The following SLC45A4 variants were observed in gnomAD, a reference collection of about 807,000 sequenced individuals.
The protein encoded by SLC45A4 is polyamine-transporter SLC45A4.
A neutral mutation model predicts 63.7 loss-of-function variants in SLC45A4; 32 were observed. The ratio of observed to expected loss-of-function variants is 0.50; its 90% CI spans 0.38 to 0.67. The LOEUF (loss-of-function observed/expected upper bound fraction) is 0.67. Ranked by LOEUF, SLC45A4 falls within the 30% of genes least tolerant of loss-of-function variation. The pLI, the probability that SLC45A4 is intolerant of heterozygous loss-of-function variation, is 0.00. For synonymous variants in SLC45A4, 535 were observed against 510.0 expected, an observed-to-expected ratio of 1.05 and a Z score of -0.66; for missense variants, 1,027 against 1,157.7, an observed-to-expected ratio of 0.89 and a Z score of 1.64.
At chr8:141,296,475 G>A (rs1245405425) in intron 1 of SLC45A4, among the ~76,000 whole-genome samples, 2 of 149,184 alleles carry the variant, frequency 1.3e-5, no homozygotes, top group Non-Finnish European at 3.0e-5. Flanking sequence ...CTCCAGCCTG[G>A]GTGACAGAGC....
At chr8:141,288,348 A>G (rs549307321) in intron 1 of SLC45A4, among the ~76,000 whole-genome samples, 3 of 152,354 alleles carry the variant, frequency 2.0e-5, no homozygotes, top group Non-Finnish European at 2.9e-5. Context: ...AATGGCACTT[A>G]GGGGTGTTCA....
At chr8:141,299,514 G>T (rs536066784) in intron 1 of SLC45A4, among the ~76,000 whole-genome samples, 1 of 152,150 alleles carries the variant, frequency 6.6e-6, no homozygotes, top group Admixed American at 6.5e-5. Context: ...CTTCAAATGG[G>T]CACGGTTAGG....
At chr8:141,276,866 A>G (rs1829746265) in intron 1 of SLC45A4, among the ~76,000 whole-genome samples, 1 of 152,250 alleles carries the variant, frequency 6.6e-6, no homozygotes, top group Non-Finnish European at 1.5e-5. Context: ...TTCCAAGGCC[A>G]AACACCTCAC....
At chr8:141,242,840 G>A (rs1827981552) in intron 2 of SLC45A4, among the ~76,000 whole-genome samples, 1 of 152,208 alleles carries the variant, frequency 6.6e-6, no homozygotes. Flanking sequence ...TACAAACACC[G>A]CGGGAAGCTG....
chr8:141,277,200 C>T (rs1241508362), intron 1 of SLC45A4, among the ~76,000 whole-genome samples: 2 of 152,254 alleles, frequency 1.3e-5, no homozygotes, highest in African/African-American at 2.4e-5. Flanking sequence ...TTGTCTGCAT[C>T]CTGTGACACT....
In SLC45A4 at chr8:141,254,205, C is replaced by T. The variant is rs996494582; in HGVS notation, c.25G>A (p.Asp9Asn). 3.3e-6 allele frequency: 5 copies of T among 1,534,446 alleles called. No individual in the cohort carries two copies. The highest frequency in any genetic ancestry group is 2.0e-5 in the Admixed American group (1 of 50,964). MKMAPQNA[D>N]PESMQVQELS... ...TCTTGAACTTGCATAGATTCCGGGTCGGCATTCTGCGGAGCCATTTTCATT... is the reference window on the plus strand; with the variant it reads ...TCTTGAACTTGCATAGATTCCGGGTTGGCATTCTGCGGAGCCATTTTCATT... Residue 9 changes from aspartate to asparagine, a missense_variant, in exon 2 of 9, where the codon GAC becomes AAC. Transcript: ENST00000517878. The surrounding 1 kb of genome is among the most constrained non-coding windows in gnomAD (Gnocchi z 4.5).
intron 1 of SLC45A4, among the ~76,000 whole-genome samples, chr8:141,286,381 T>A (rs1298462471): frequency 6.6e-6 from 1 of 152,118 alleles, no homozygotes; most frequent in East Asian, 1.9e-4. Context: ...TGGCCTCACA[T>A]GCGCGGTTGT....
In SLC45A4 at chr8:141,218,692, G is replaced by A. The variant is rs373015306; in HGVS notation, c.948C>T (p.Thr316=). ...KSDSALHVPD[T]ALDLEPELLF... is the part of the protein sequence containing the mutation. Reference sequence around the variant, plus strand: ...GCAGCTCGGGCTCCAGGTCCAGCGCGGTGTCCGGCACGTGCAATGCCGAGT... The same window carrying A: ...GCAGCTCGGGCTCCAGGTCCAGCGCAGTGTCCGGCACGTGCAATGCCGAGT... The change falls in exon 5 of 9, where the codon ACC becomes ACT. Residue 316 remains threonine, a synonymous_variant. Transcript: ENST00000517878. The A allele has an allele frequency of 3.3e-5, 53 of 1,612,764 alleles. No individual in the cohort carries two copies. Among genetic ancestry groups the A allele is most frequent in the Admixed American group, 1.5e-4 (9 of 60,020 alleles).
intron 2 of SLC45A4, among the ~76,000 whole-genome samples, chr8:141,237,314 A>G (rs1327282311): frequency 6.6e-6 from 1 of 152,116 alleles, no homozygotes; most frequent in Non-Finnish European, 1.5e-5. Flanking sequence ...CACTGAGCTC[A>G]CAGACTTCTG....
chr8:141,295,253 GC>G, intron 1 of SLC45A4, among the ~76,000 whole-genome samples: 1 of 152,214 alleles, frequency 6.6e-6, no homozygotes, highest in Non-Finnish European at 1.5e-5. Flanking sequence ...TATGGGTGGG[GC>G]CCTGGGGCTC....
chr8:141,271,842 C>G (rs989207982), intron 1 of SLC45A4, among the ~76,000 whole-genome samples: 2 of 142,284 alleles, frequency 1.4e-5, no homozygotes, highest in Admixed American at 7.0e-5. Context: ...GCAACACACA[C>G]CTGTGTACAC....
chr8:141,239,523 G>C (rs896794786), intron 2 of SLC45A4, among the ~76,000 whole-genome samples: 1 of 152,044 alleles, frequency 6.6e-6, no homozygotes, highest in Admixed American at 6.6e-5. Flanking sequence ...CAACTGCTTA[G>C]TCACCTGCTT....
chr8:141,208,437 T>G lies in SLC45A4; in HGVS notation c.*3135A>C, dbSNP rs939621871. ...GGTCACAGACCAAGTCCTCCACACC[T>G]GGGGCATTCAAGAAACACTCCTGAT... On this transcript the variant is annotated 3_prime_UTR_variant, in exon 9 of 9. Coordinates refer to ENST00000517878, the MANE Select transcript of SLC45A4 (RefSeq NM_001286646.2). The G allele has an allele frequency of 3.9e-5, 6 of 152,104 alleles. No homozygotes were observed. Among genetic ancestry groups the G allele is most frequent in the Admixed American group, 1.3e-4 (2 of 15,266 alleles). The allele number at this position is 152,104 out of a possible 1,614,324, so 9.4% of individuals were successfully genotyped here. A position where few individuals can be genotyped will look rare whatever the true frequency, so the allele number is the denominator to read the frequency against.
At chr8:141,222,204 G>A (rs992346007) in intron 2 of SLC45A4, among the ~76,000 whole-genome samples, 37 of 152,366 alleles carry the variant, frequency 2.4e-4, no homozygotes, top group African/African-American at 8.7e-4. Flanking sequence ...ACACCAGACA[G>A]TCTACAAGAG....
chr8:141,257,565 C>CCGTCTCTGTTCCTAAGAGT (rs1336620299), intron 1 of SLC45A4, among the ~76,000 whole-genome samples: 2 of 152,208 alleles, frequency 1.3e-5, no homozygotes, highest in African/African-American at 4.8e-5. Context: ...TGAAGTGAAG[C>CCGTCTCTGTTCCTAAGAGT]CGTCTCTGTT....
intron 1 of SLC45A4, among the ~76,000 whole-genome samples, chr8:141,289,648 T>A (rs1469349939): frequency 6.6e-6 from 1 of 152,178 alleles, no homozygotes; most frequent in African/African-American, 2.4e-5. Context: ...AGGGTCAGCT[T>A]CCTGTAGTAA....
chr8:141,212,553 T>C lies in SLC45A4; in HGVS notation c.1945A>G (p.Ile649Val). The change falls in exon 8 of 9, where the codon ATC (isoleucine) becomes GTC (valine). Residue 649 changes from isoleucine to valine, a missense_variant. Coordinates refer to ENST00000517878, the MANE Select transcript of SLC45A4 (RefSeq NM_001286646.2). ...LGQYHDIKQY[I>V]HHSPGNSKRG... ...TTGGAGTTCCCGGGGCTGTGGTGGA[T>C]GTACTGCAAGAGAGGAAACACGAGG... 3 of 1,602,064 alleles carry C rather than the reference T, an allele frequency of 1.9e-6. No individual in the cohort carries two copies. The highest frequency in any genetic ancestry group is 2.6e-6 in the Non-Finnish European group (3 of 1,173,488).
intron 1 of SLC45A4, among the ~76,000 whole-genome samples, chr8:141,291,320 C>T (rs1253801023): frequency 3.3e-5 from 5 of 152,186 alleles, no homozygotes; most frequent in African/African-American, 4.8e-5. Flanking sequence ...AGAAAGAGGG[C>T]TGGGGGACAC....
intron 1 of SLC45A4, among the ~76,000 whole-genome samples, chr8:141,299,259 G>A: frequency 6.6e-6 from 1 of 152,228 alleles, no homozygotes; most frequent in East Asian, 1.9e-4. Context: ...GAGGACGCCA[G>A]GCTTCATGAT....
Sources: gnomAD v4.1 joint callset for allele counts (sites outside exome capture counted in the v4.1 genomes callset) on GRCh38, gnomAD v4.1.1 for gene constraint, Gnocchi (gnomAD v3.1) non-coding constraint, MANE v1.5 for transcripts, NCBI Gene and HGNC (gene_info 2026-07-23, HGNC 2026-07-21) for gene names.